The following UBE3D variants were observed in gnomAD, a reference collection of about 807,000 sequenced individuals.
UBE3D encodes the protein E3 ubiquitin-protein ligase E3D.
A neutral mutation model predicts 49.6 loss-of-function variants in UBE3D; 48 were observed. The ratio of observed to expected loss-of-function variants is 0.97; its 90% confidence interval spans 0.77 to 1.23. The LOEUF (loss-of-function observed/expected upper bound fraction) is 1.23, where lower values mean the gene tolerates loss of function less well. Ranked by LOEUF, UBE3D falls within the 50% of genes most tolerant of loss-of-function variation. The probability of loss-of-function intolerance (pLI) is 0.00; values close to 1 mark genes in which losing one functional copy is unlikely to be tolerated. For synonymous variants in UBE3D, 189 were observed against 174.2 expected (o/e 1.08, Z -0.67); for missense variants, 452 against 468.4 (o/e 0.96, Z 0.32).
intron 8 of UBE3D, among the ~76,000 whole-genome samples, chr6:82,991,247 G>GC (rs1562159594): frequency 6.6e-6 from 1 of 152,150 alleles, no homozygotes; most frequent in Non-Finnish European, 1.5e-5. Context: ...AGTAAGTCCA[G>GC]CCCACACTCA....
the UBE3D span, among the ~76,000 whole-genome samples, chr6:82,883,913 T>C: frequency 2.0e-5 from 3 of 152,218 alleles, no homozygotes; most frequent in Admixed American, 6.5e-5. Flanking sequence ...CTGAGATTTC[T>C]GCCCTGAATC....
chr6:83,016,326 C>G (rs1023787310), intron 8 of UBE3D, among the ~76,000 whole-genome samples: 8 of 152,136 alleles, frequency 5.3e-5, no homozygotes, highest in Non-Finnish European at 1.0e-4. Flanking sequence ...TTACTAAACT[C>G]CTTGCCTCTC....
At chr6:82,955,846 A>G (rs1776119881) in intron 9 of UBE3D, among the ~76,000 whole-genome samples, 1 of 152,104 alleles carries the variant, frequency 6.6e-6, no homozygotes, top group South Asian at 2.1e-4. Flanking sequence ...AATTCAATCC[A>G]TTGCTCCAGA....
intron 8 of UBE3D, among the ~76,000 whole-genome samples, chr6:83,013,886 G>A (rs1045587130): frequency 6.6e-6 from 1 of 152,228 alleles, no homozygotes; most frequent in Non-Finnish European, 1.5e-5. Flanking sequence ...GTGATATCTT[G>A]CAGAAGGGAA....
intron 6 of UBE3D, 138 bp downstream of exon 6, chr6:83,023,831 T>C: frequency 1.8e-6 from 1 of 568,050 alleles, no homozygotes; most frequent in Non-Finnish European, 3.0e-6. Flanking sequence ...ATTATCACTA[T>C]TCATGTAAGC....
intron 9 of UBE3D, among the ~76,000 whole-genome samples, chr6:82,915,603 C>A (rs900921908): frequency 6.6e-6 from 1 of 152,158 alleles, no homozygotes; most frequent in Non-Finnish European, 1.5e-5. Flanking sequence ...TCCAACTCTA[C>A]CTCTCCCGCC....
chr6:82,979,545 T>C (rs1777966791), intron 8 of UBE3D, among the ~76,000 whole-genome samples: 3 of 152,190 alleles, frequency 2.0e-5, no homozygotes, highest in Admixed American at 6.5e-5. Flanking sequence ...TTTAACACTT[T>C]CTTCTGATTT....
chr6:83,040,348 C>T (rs930604701), intron 4 of UBE3D, among the ~76,000 whole-genome samples: 3 of 151,618 alleles, frequency 2.0e-5, no homozygotes, highest in Non-Finnish European at 4.4e-5. Context: ...TGTACCACTG[C>T]ACTCCAGCCT....
At chr6:82,928,743 G>A (rs1455704695) in intron 9 of UBE3D, among the ~76,000 whole-genome samples, 1 of 152,062 alleles carries the variant, frequency 6.6e-6, no homozygotes, top group Non-Finnish European at 1.5e-5. Flanking sequence ...TTTCCATTCT[G>A]ACAAAATGCT....
At chr6:82,900,948 A>G (rs7766383) in intron 9 of UBE3D, among the ~76,000 whole-genome samples, 26,585 of 152,188 alleles carry the variant, frequency 0.17, 3,857 homozygotes, top group African/African-American at 0.4. Flanking sequence ...TAGAGAAGTC[A>G]AGACTTATAT....
intron 2 of UBE3D, among the ~76,000 whole-genome samples, chr6:83,055,706 G>A (rs1183073322): frequency 6.6e-6 from 1 of 152,130 alleles, no homozygotes; most frequent in Non-Finnish European, 1.5e-5. Flanking sequence ...GAGGGTCACA[G>A]TTTGACACTC....
intron 4 of UBE3D, among the ~76,000 whole-genome samples, chr6:83,040,525 C>A (rs1782600643): frequency 1.3e-5 from 2 of 152,110 alleles, no homozygotes; most frequent in African/African-American, 4.8e-5. Context: ...GTAAAAAAAT[C>A]CGTAAATGCC....
At chr6:82,902,963 C>T (rs901945885) in intron 9 of UBE3D, among the ~76,000 whole-genome samples, 3 of 152,152 alleles carry the variant, frequency 2.0e-5, no homozygotes, top group African/African-American at 7.2e-5. Context: ...AACTTTTGAT[C>T]ATGGCTGTAA....
intron 5 of UBE3D, among the ~76,000 whole-genome samples, chr6:83,030,380 A>T (rs1226542673): frequency 1.3e-5 from 2 of 152,096 alleles, no homozygotes; most frequent in Non-Finnish European, 1.5e-5. Context: ...AATAAGTCTC[A>T]TGAGATCTGA....
chr6:82,981,620 A>C (rs577396591), intron 8 of UBE3D, among the ~76,000 whole-genome samples: 3 of 152,186 alleles, frequency 2.0e-5, no homozygotes, highest in African/African-American at 7.2e-5. Flanking sequence ...TCATCTTTTA[A>C]TTCCATTATG....
chr6:82,947,207 G>C (rs1368971628), intron 9 of UBE3D, among the ~76,000 whole-genome samples: 1 of 151,782 alleles, frequency 6.6e-6, no homozygotes, highest in Admixed American at 6.6e-5. Context: ...AGACAAAGAA[G>C]GTCATTATAT....
chr6:82,921,855 C>T (rs1050880086), intron 9 of UBE3D, among the ~76,000 whole-genome samples: 1 of 152,108 alleles, frequency 6.6e-6, no homozygotes, highest in Admixed American at 6.5e-5. Flanking sequence ...ACTTACACAA[C>T]CAGACCGGCA....
At chr6:82,949,211 T>C (rs1182279544) in intron 9 of UBE3D, among the ~76,000 whole-genome samples, 1 of 151,916 alleles carries the variant, frequency 6.6e-6, no homozygotes, top group Admixed American at 6.6e-5. Context: ...CACTAGGATT[T>C]CCATAGCCAG....
At chr6:82,979,754 C>T (rs1047532454) in intron 8 of UBE3D, among the ~76,000 whole-genome samples, 1 of 152,094 alleles carries the variant, frequency 6.6e-6, no homozygotes, top group African/African-American at 2.4e-5. Flanking sequence ...CCCCCTCACA[C>T]CTTTCCAACT....
Sources: gnomAD v4.1 joint callset for allele counts (sites outside exome capture counted in the v4.1 genomes callset) on GRCh38, gnomAD v4.1.1 for gene constraint, MANE v1.5 for transcripts, NCBI Gene and HGNC (gene_info 2026-07-23, HGNC 2026-07-21) for gene names.